SLC8A1: variants seen among roughly 807,000 people sequenced by gnomAD.
SLC8A1 encodes the protein sodium/calcium exchanger 1.
In SLC8A1, 18 loss-of-function variants were observed where a neutral mutation model predicts 68.3. The ratio of observed to expected loss-of-function variants is 0.26; its 90% CI spans 0.18 to 0.39. The LOEUF (loss-of-function observed/expected upper bound fraction) is 0.39, where lower values mean the gene tolerates loss of function less well. SLC8A1 is among the 10% of genes least tolerant of loss of function. The pLI, the probability that SLC8A1 is intolerant of heterozygous loss-of-function variation, is 1.00. For missense variants in SLC8A1, 985 were observed against 1,156.7 expected (o/e 0.85, Z 2.15); for synonymous variants, 475 against 415.5 (o/e 1.14, Z -1.74).
At chr2:40,439,673 G>T (rs367697716) in intron 1 of SLC8A1, among the ~76,000 whole-genome samples, 2 of 152,154 alleles carry the variant, frequency 1.3e-5, no homozygotes, top group East Asian at 1.9e-4. Flanking sequence ...GAGTCATTAA[G>T]ATTCATCTTC....
At chr2:40,198,809 T>C (rs540883644) in intron 2 of SLC8A1, among the ~76,000 whole-genome samples, 1 of 151,972 alleles carries the variant, frequency 6.6e-6, no homozygotes, top group South Asian at 2.1e-4. Context: ...CTCATTACTA[T>C]GACAAATTTC....
chr2:40,230,222 C>G (rs1035994542), intron 2 of SLC8A1, among the ~76,000 whole-genome samples: 21 of 152,276 alleles, frequency 1.4e-4, no homozygotes, highest in African/African-American at 5.1e-4. Context: ...TCTAAAGATT[C>G]TAGTTTTGCT....
chr2:40,306,592 C>A (rs1207355238), intron 2 of SLC8A1, among the ~76,000 whole-genome samples: 6 of 152,144 alleles, frequency 3.9e-5, no homozygotes, highest in Non-Finnish European at 7.4e-5. Flanking sequence ...ACCAACTGGA[C>A]AAGAATATTC....
rs146357776 is a variant in SLC8A1, at chr2:40,417,255, T to C, written c.1808+11218A>G. On this transcript the variant is annotated intron_variant, in intron 2 of 7. Transcript: ENST00000406785. ...TCATGGGGGTTTGGTGTACAGATTATTTTGTCACCCAGGTAATATGCATAG... is the reference window on the plus strand; with the variant it reads ...TCATGGGGGTTTGGTGTACAGATTACTTTGTCACCCAGGTAATATGCATAG... Among the ~76,000 whole-genome samples, 463 of 152,254 alleles carry C rather than the reference T, an allele frequency of 3.0e-3. 4 individuals carry two copies. Among genetic ancestry groups the C allele is most frequent in the African/African-American group, 0.01 (436 of 41,544 alleles).
intron 2 of SLC8A1, among the ~76,000 whole-genome samples, chr2:40,226,159 C>T (rs2058950591): frequency 6.6e-6 from 1 of 152,090 alleles, no homozygotes; most frequent in African/African-American, 2.4e-5. Context: ...AGCTACTTCA[C>T]AAGCACAGGG....
chr2:40,368,716 C>CGACT (rs1392139043), intron 2 of SLC8A1, among the ~76,000 whole-genome samples: 3 of 151,928 alleles, frequency 2.0e-5, no homozygotes, highest in Non-Finnish European at 4.4e-5. Context: ...ACCCGTTAGT[C>CGACT]ATTTTTTTCT....
chr2:40,337,458 G>T, intron 2 of SLC8A1: 1 of 222,974 alleles, frequency 4.5e-6, no homozygotes, highest in Non-Finnish European at 1.0e-5. Context: ...AGGAAGTCAG[G>T]TAAAAAAAGG....
In SLC8A1 at chr2:40,360,776, G is replaced by C. The variant is rs1219884869; in HGVS notation, c.1808+67697C>G. Among the ~76,000 whole-genome samples, 6 of 152,106 alleles carry C rather than the reference G, an allele frequency of 3.9e-5. No individual in the cohort carries two copies. The East Asian group carries it at 1.2e-3, about 29-fold the overall frequency. Reference sequence around the variant, plus strand: ...GAGCCCACTACTCCATGAGACTCTAGTTCTTACAAAGATCTCTCTAGCATT... The same window carrying C: ...GAGCCCACTACTCCATGAGACTCTACTTCTTACAAAGATCTCTCTAGCATT... On this transcript the variant is annotated intron_variant, in intron 2 of 7. Transcript: ENST00000406785.
chr2:40,269,482 G>C (rs1311812943), intron 2 of SLC8A1, among the ~76,000 whole-genome samples: 1 of 152,182 alleles, frequency 6.6e-6, no homozygotes, highest in East Asian at 1.9e-4. Context: ...AGTTAGTAGA[G>C]GTGGGCAGAC....
At position 40,288,501 on chromosome 2, in the gene SLC8A1, C is replaced by T. The variant is rs2068697830; in HGVS notation, c.1809-110646G>A. On this transcript the variant is annotated intron_variant, in intron 2 of 7. Coordinates refer to ENST00000406785, the Ensembl canonical transcript of SLC8A1. ...TCCCCAGCCCCTACTCCTCTCCCCT[C>T]CACTTCTACCTCAGCTGAAACACCC... is the stretch of plus-strand genomic sequence containing the variant. Among the ~76,000 whole-genome samples the T allele has an allele frequency of 2.0e-5, 3 of 152,064 alleles. No homozygotes were observed. In the South Asian group the frequency reaches 6.2e-4, roughly 32 times the overall value.
chr2:40,339,203 T>C (rs1666949603), intron 2 of SLC8A1, among the ~76,000 whole-genome samples: 1 of 152,228 alleles, frequency 6.6e-6, no homozygotes, highest in South Asian at 2.1e-4. Context: ...TATTCATTCC[T>C]AAGATGTCAT....
intron 2 of SLC8A1, among the ~76,000 whole-genome samples, chr2:40,343,972 G>A (rs1218962547): frequency 1.3e-5 from 2 of 152,140 alleles, no homozygotes; most frequent in African/African-American, 2.4e-5. Flanking sequence ...ACCCGCATCA[G>A]GTACAGGGAT....
At chr2:40,159,287 A>G (rs543254798) in intron 6 of SLC8A1, among the ~76,000 whole-genome samples, 15 of 152,312 alleles carry the variant, frequency 9.8e-5, no homozygotes, top group South Asian at 8.3e-4. Flanking sequence ...GGGCAGGGGT[A>G]TTTGTTGCAT....
At chr2:40,348,560 C>A (rs1347604958) in intron 2 of SLC8A1, among the ~76,000 whole-genome samples, 1 of 152,174 alleles carries the variant, frequency 6.6e-6, no homozygotes, top group African/African-American at 2.4e-5. Flanking sequence ...TGCATTTTAT[C>A]AGCATATGTT....
chr2:40,230,800 T>C (rs2059554374), intron 2 of SLC8A1, among the ~76,000 whole-genome samples: 1 of 152,186 alleles, frequency 6.6e-6, no homozygotes, highest in African/African-American at 2.4e-5. Flanking sequence ...CTATGATGGT[T>C]CTGTTCACTC....
At chr2:40,413,477 A>G (rs567512748) in intron 2 of SLC8A1, among the ~76,000 whole-genome samples, 1 of 152,298 alleles carries the variant, frequency 6.6e-6, no homozygotes, top group South Asian at 2.1e-4. Flanking sequence ...GCTGGAAACC[A>G]TTGCTGATTT....
At chr2:40,162,573 G>A (rs1038320584) in intron 5 of SLC8A1, among the ~76,000 whole-genome samples, 6 of 152,210 alleles carry the variant, frequency 3.9e-5, no homozygotes, top group South Asian at 4.1e-4. Context: ...ATTTTAAACT[G>A]TAGTTCATGT....
intron 1 of SLC8A1, among the ~76,000 whole-genome samples, chr2:40,476,053 A>G (rs961183696): frequency 1.1e-4 from 17 of 152,228 alleles, no homozygotes; most frequent in Non-Finnish European, 2.2e-4. Flanking sequence ...TAAATAAATG[A>G]TGACAAATAG....
intron 2 of SLC8A1, among the ~76,000 whole-genome samples, chr2:40,197,926 C>T (rs888561639): frequency 1.9e-4 from 23 of 123,418 alleles, no homozygotes; most frequent in Non-Finnish European, 4.0e-4. Flanking sequence ...TTGGGAATAG[C>T]TTTTGTGGAA....
Sources: allele counts gnomAD v4.1 joint callset (sites outside exome capture counted in the v4.1 genomes callset), GRCh38; gene constraint gnomAD v4.1.1; transcripts MANE v1.5; gene names NCBI Gene and HGNC (gene_info 2026-07-23, HGNC 2026-07-21).